Variants in MYH10 observed in about 807,000 individuals in gnomAD.
MYH10 encodes myosin heavy chain 10.
In MYH10, 55 loss-of-function variants were observed where a neutral mutation model predicts 257.8. That is an observed-to-expected ratio of 0.21 (90% CI 0.17 to 0.27). MYH10 has a LOEUF of 0.27. MYH10 is among the 10% of genes least tolerant of loss of function. The probability of loss-of-function intolerance (pLI) is 1.00; values close to 1 mark genes in which losing one functional copy is unlikely to be tolerated. For synonymous variants in MYH10, 854 were observed against 921.7 expected (o/e 0.93, Z 1.33); for missense variants, 1,631 against 2,500.6 (o/e 0.65, Z 7.42).
At chr17:8,516,189 C>A (rs774263318) in intron 21 of MYH10, among the ~76,000 whole-genome samples, 2 of 152,214 alleles carry the variant, frequency 1.3e-5, no homozygotes, top group African/African-American at 2.4e-5. Flanking sequence ...ATCAACCTAT[C>A]TCCGAGTGTT....
At position 8,610,271 on chromosome 17, in the gene MYH10, CAAAAAAAA is replaced by C. The variant is rs71361810; in HGVS notation, c.346-5297_346-5290del. 2.4e-3 allele frequency among the ~76,000 whole-genome samples: 109 copies of C among 45,986 alleles called. 2 individuals are homozygous for C. The highest frequency in any genetic ancestry group is 0.011 in the African/African-American group (108 of 9,870). The allele number at this position is 45,986 out of a possible 152,430, so 30.2% of individuals were successfully genotyped here. A position where few individuals can be genotyped will look rare whatever the true frequency, so the allele number is the denominator to read the frequency against. ...GTTTATAGGGAGCACCATAGGATTG[CAAAAAAAA>C]AAAAAAAAAAAAAGGGTTGGGGGAA... On this transcript the variant is annotated intron_variant, in intron 2 of 42. Coordinates refer to ENST00000360416, the MANE Select transcript of MYH10 (RefSeq NM_001256012.3).
At chr17:8,623,424 C>T (rs968117970) in intron 1 of MYH10, 147 bp from the exon 2 acceptor site, 11 of 645,532 alleles carry the variant, frequency 1.7e-5, no homozygotes, top group African/African-American at 7.6e-5. Flanking sequence ...CCATACTAAC[C>T]GAGTTTCCAA....
intron 7 of MYH10, among the ~76,000 whole-genome samples, chr17:8,557,398 G>A (rs745441023): frequency 3.3e-5 from 5 of 152,108 alleles, no homozygotes; most frequent in African/African-American, 1.2e-4. Flanking sequence ...CTGACTTCCT[G>A]CTTGAGGAGG....
Position 8,577,261 on chromosome 17 carries a change from T to G in MYH10, c.608A>C (p.Lys203Thr). ...QYLAHVASSH[K>T]GRKDHNIPQE... is the part of the protein sequence containing the mutation. Reference sequence around the variant, plus strand: ...AGGAATATTATGGTCCTTTCTTCCTTTATGTGAAGAAGCAACATGGGCAAG... The same window carrying G: ...AGGAATATTATGGTCCTTTCTTCCTGTATGTGAAGAAGCAACATGGGCAAG... The change falls in exon 5 of 43, where the codon AAA becomes ACA. Residue 203 changes from lysine (K) to threonine (T), a missense_variant. Lys to Thr is a moderately conservative substitution (Grantham distance 78). Coordinates refer to ENST00000360416, the MANE Select transcript of MYH10 (RefSeq NM_001256012.3). The G allele has an allele frequency of 1.2e-6, 2 of 1,611,914 alleles. No individual in the cohort carries two copies. The highest frequency in any genetic ancestry group is 1.7e-6 in the Non-Finnish European group (2 of 1,178,398).
chr17:8,478,304 C>T, intron 41 of MYH10, 34 bp downstream of exon 41: 2 of 1,567,990 alleles, frequency 1.3e-6, no homozygotes, highest in Non-Finnish European at 1.8e-6. Context: ...TTCCTTTGCT[C>T]ACGCGCTTCC....
chr17:8,550,417 G>A (rs1597804377), intron 9 of MYH10, among the ~76,000 whole-genome samples: 1 of 150,808 alleles, frequency 6.6e-6, no homozygotes, highest in South Asian at 2.1e-4. Flanking sequence ...CTGCCCGGCC[G>A]CCCCGTCTGA....
intron 1 of MYH10, among the ~76,000 whole-genome samples, chr17:8,627,160 A>C (rs1474287151): frequency 6.6e-6 from 1 of 152,164 alleles, no homozygotes; most frequent in African/African-American, 2.4e-5. Flanking sequence ...AACGGAACAA[A>C]TATTCATTGG....
chr17:8,528,637 C>T (rs1597744439), intron 17 of MYH10, among the ~76,000 whole-genome samples: 1 of 152,142 alleles, frequency 6.6e-6, no homozygotes, highest in East Asian at 1.9e-4. Flanking sequence ...TTTGTGTCAC[C>T]TGCTTTAGAG....
chr17:8,522,753 G>A (rs972261364), intron 17 of MYH10, among the ~76,000 whole-genome samples: 1 of 152,176 alleles, frequency 6.6e-6, no homozygotes, highest in African/African-American at 2.4e-5. Context: ...CCAGTGTGTA[G>A]CCAACTGGCT....
intron 4 of MYH10, among the ~76,000 whole-genome samples, chr17:8,578,163 G>A (rs2083568744): frequency 6.6e-6 from 1 of 151,892 alleles, no homozygotes; most frequent in Admixed American, 6.6e-5. Flanking sequence ...CCAGTGTTGT[G>A]CCTCATAGGC....
chr17:8,492,914 C>T lies in MYH10; in HGVS notation c.4320G>A (p.Glu1440=). 2 of 1,614,172 alleles carry T rather than the reference C, an allele frequency of 1.2e-6. No individual in the cohort carries two copies. The highest frequency in any genetic ancestry group is 1.7e-6 in the Non-Finnish European group (2 of 1,180,024). The part of the protein sequence containing the change: ...KDAEALSQRL[E]EKALAYDKLE... ...GTTTGTCATACGCCAGTGCCTTCTC[C>T]TCCAGGCGCTGGCTCAGGGCCTCCG... The change falls in exon 33 of 43, where the codon GAG becomes GAA. Residue 1440 remains glutamate (E), a synonymous_variant. Coordinates refer to ENST00000360416, the MANE Select transcript of MYH10 (RefSeq NM_001256012.3).
intron 24 of MYH10, chr17:8,511,039 T>TATAC (rs1567823286): frequency 2.4e-4 from 2 of 8,494 alleles, no homozygotes; most frequent in Admixed American, 2.6e-3. Flanking sequence ...TATATATATA[T>TATAC]ATATATATAT....
Position 8,499,308 on chromosome 17 carries a change from G to A in MYH10, c.3913C>T (p.Leu1305Phe). ...LHAKVSEGDRLRVELAEKASK... is the reference protein window; with the variant it reads ...LHAKVSEGDRFRVELAEKASK... Reference sequence around the variant, plus strand: ...GCTTTCTCCGCCAGCTCCACCCTGAGCCTGTCGCCTTCAGAGACCTTGGCA... The same window carrying A: ...GCTTTCTCCGCCAGCTCCACCCTGAACCTGTCGCCTTCAGAGACCTTGGCA... Residue 1305 changes from leucine (L) to phenylalanine (F), a missense_variant, in exon 30 of 43, where the codon CTC becomes TTC. Around this residue, in one of 11 missense-constraint regions of MYH10, gnomAD observed 463 missense variants for 621.8 expected, o/e 0.74. Coordinates refer to ENST00000360416, the MANE Select transcript of MYH10 (RefSeq NM_001256012.3). 1.2e-6 allele frequency: 2 copies of A among 1,614,084 alleles called. No homozygotes were observed. Among genetic ancestry groups the A allele is most frequent in the Non-Finnish European group, 1.7e-6 (2 of 1,180,024 alleles).
Position 8,498,644 on chromosome 17 carries a change from G to C in MYH10, c.3951+626C>G, listed in dbSNP as rs868592678. On this transcript the variant is annotated intron_variant, in intron 30 of 42. Coordinates refer to ENST00000360416, the MANE Select transcript of MYH10 (RefSeq NM_001256012.3). ...GGGCGGATCACGAGGTCAGGAGATT[G>C]AGACCATCCTGGCTAACGTGGTGAA... 5.9e-5 allele frequency among the ~76,000 whole-genome samples: 9 copies of C among 152,010 alleles called. 1 individual carries two copies. In the Middle Eastern group the frequency reaches 0.017, roughly 287 times the overall value.
intron 19 of MYH10, among the ~76,000 whole-genome samples, chr17:8,519,293 TCTGTA>T (rs978427773): frequency 1.3e-5 from 2 of 152,216 alleles, no homozygotes; most frequent in African/African-American, 4.8e-5. Context: ...AATCTGGCTT[TCTGTA>T]CTTTAAGTCA....
intron 6 of MYH10, 135 bp downstream of exon 6, chr17:8,576,508 A>T (rs934953305): frequency 4.7e-6 from 4 of 853,630 alleles, no homozygotes; most frequent in Admixed American, 5.1e-5. Context: ...CTAAGCAATA[A>T]ATTTTCAAAA....
intron 13 of MYH10, among the ~76,000 whole-genome samples, chr17:8,544,910 C>T (rs968484175): frequency 3.9e-5 from 6 of 152,140 alleles, no homozygotes; most frequent in African/African-American, 9.7e-5. Context: ...CAGGTGCCTC[C>T]CTCTCACTTT....
chr17:8,573,145 T>G (rs1314574237), intron 6 of MYH10, among the ~76,000 whole-genome samples: 3 of 152,224 alleles, frequency 2.0e-5, no homozygotes, highest in African/African-American at 7.2e-5. Flanking sequence ...ATAGTGAAAA[T>G]TACACTCCTG....
intron 2 of MYH10, among the ~76,000 whole-genome samples, chr17:8,606,248 T>G (rs1305843202): frequency 6.6e-6 from 1 of 152,194 alleles, no homozygotes; most frequent in Non-Finnish European, 1.5e-5. Flanking sequence ...GTTTTTTAAA[T>G]GTAGACAGAA....
Sources: gnomAD v4.1 joint callset for allele counts (sites outside exome capture counted in the v4.1 genomes callset) on GRCh38, gnomAD v4.1.1 for gene constraint, gnomAD v4.1.1 regional missense constraint, MANE v1.5 for transcripts, NCBI Gene and HGNC (gene_info 2026-07-23, HGNC 2026-07-21) for gene names.